OR5M8: variants seen among roughly 807,000 people sequenced by gnomAD.
OR5M8 encodes olfactory receptor family 5 subfamily M member 8, also known as olfactory receptor 5M8.
For synonymous variants in OR5M8, 163 were observed against 141.5 expected, an observed-to-expected ratio of 1.15 and a Z score of -1.08; for missense variants, 445 against 379.3, an observed-to-expected ratio of 1.17 and a Z score of -1.44.
In OR5M8 at chr11:56,491,321, G is replaced by A. The variant is rs377338149; in HGVS notation, c.50C>T (p.Thr17Ile). 17 of 1,613,226 alleles carry A rather than the reference G, an allele frequency of 1.1e-5. No individual in the cohort carries two copies. In the African/African-American group the frequency reaches 1.5e-4, roughly 14 times the overall value. Residue 17 changes from threonine (T) to isoleucine (I), a missense_variant, in exon 1 of 1, where the codon ACC (threonine) becomes ATC (isoleucine). Coordinates refer to ENST00000327216, the MANE Select transcript of OR5M8 (RefSeq NM_001005282.1). ...GAGAATTTGTAATTCCCGGCGACTG[G>A]TCAGTCCCAGGAGAATGAACTCAGT... is the stretch of plus-strand genomic sequence containing the variant. ...LVTEFILLGLTSRRELQILLF... is the reference protein window; with the variant it reads ...LVTEFILLGLISRRELQILLF...
Position 56,491,170 on chromosome 11 carries a change from G to A in OR5M8, c.201C>T (p.Phe67=), listed in dbSNP as rs764282162. 7.4e-6 allele frequency: 12 copies of A among 1,613,964 alleles called. No individual in the cohort carries two copies. The highest frequency in any genetic ancestry group is 2.7e-5 in the African/African-American group (2 of 74,930). ...PMYFFLSHLS[F]VDLCFSSNVT... ...CATTGGAAGAGAAGCACAGATCCAC[G>A]AAGGATAAGTGGCTCAGGAAAAAGT... The change falls in exon 1 of 1, where the codon TTC becomes TTT. Residue 67 remains phenylalanine, a synonymous_variant. Transcript: ENST00000327216.
chr11:56,490,673 C>T lies in OR5M8; in HGVS notation c.698G>A (p.Arg233Lys), dbSNP rs1853840274. The change falls in exon 1 of 1, where the codon AGG (arginine) becomes AAG (lysine). Residue 233 changes from arginine (R) to lysine (K), a missense_variant. Transcript: ENST00000327216. ...AILKIRSTEG[R>K]QKAFSTCGSH... ...GCCACAGGTAGAAAAAGCTTTTTGC[C>T]TGCCCTCTGTAGAGCGAATCTTTAA... 1 of 1,613,880 alleles carries T rather than the reference C, an allele frequency of 6.2e-7. No homozygotes were observed. Among genetic ancestry groups the T allele is most frequent in the Non-Finnish European group, 8.5e-7 (1 of 1,179,970 alleles).
In OR5M8 at chr11:56,490,795, G is replaced by T. The variant is rs113417126; in HGVS notation, c.576C>A (p.Tyr192Ter). ...PLIKLACSDT[Y>*]NKELSMFIVA... Reference sequence around the variant, plus strand: ...CAATAAACATTGACAACTCCTTGTTGTAGGTGTCAGAACAAGCCAGCTTAA... The same window carrying T: ...CAATAAACATTGACAACTCCTTGTTTTAGGTGTCAGAACAAGCCAGCTTAA... Residue 192 changes from tyrosine to a stop codon, truncating the protein, a stop_gained, in exon 1 of 1, where the codon TAC becomes TAA. Transcript: ENST00000327216. LOFTEE classifies it low-confidence loss of function (END_TRUNC). 1.9e-6 allele frequency: 3 copies of T among 1,614,166 alleles called. No individual in the cohort carries two copies. The highest frequency in any genetic ancestry group is 2.5e-6 in the Non-Finnish European group (3 of 1,180,002).
Position 56,490,530 on chromosome 11 carries a change from T to A in OR5M8, c.841A>T (p.Ile281Phe), listed in dbSNP as rs761181433. ...KMVAVFYTTV[I>F]PMLNLIIYSL... Reference sequence around the variant, plus strand: ...TAAATTATAAGGTTCAGCATAGGGATTACTGTGGTATAAAATACAGCTACC... The same window carrying A: ...TAAATTATAAGGTTCAGCATAGGGAATACTGTGGTATAAAATACAGCTACC... Residue 281 changes from isoleucine to phenylalanine, a missense_variant, in exon 1 of 1, where the codon ATC becomes TTC. Transcript: ENST00000327216. 1 of 1,605,502 alleles carries A rather than the reference T, an allele frequency of 6.2e-7. No homozygotes were observed. Among genetic ancestry groups the A allele is most frequent in the Non-Finnish European group, 8.5e-7 (1 of 1,172,180 alleles).
Position 56,491,068 on chromosome 11 carries a change from G to GT in OR5M8, c.302dup (p.Tyr101Ter), listed in dbSNP as rs746310691. ...CAACATGGACCAAGGCGATAAAAAG[G>GT]TAACACTGCACAAGACAGGCAGGAT... ...ISYPACLVQCYLFIALVHVEI... is the reference protein window; with the variant it reads ...ISYPACLVQC Residue 101 changes from tyrosine to a stop codon, truncating the protein, a stop_gained and frameshift_variant, in exon 1 of 1, where the codon TAC becomes TAAC. Transcript: ENST00000327216. LOFTEE classifies it low-confidence loss of function (END_TRUNC). The GT allele has an allele frequency of 1.6e-5, 26 of 1,614,226 alleles. No individual in the cohort carries two copies. The highest frequency in any genetic ancestry group is 2.2e-5 in the Non-Finnish European group (26 of 1,180,036).
rs1853840385 is a variant in OR5M8, at chr11:56,490,681, T to C, written c.690A>G (p.Thr230=). 4.3e-6 allele frequency: 7 copies of C among 1,614,104 alleles called. No individual in the cohort carries two copies. The highest frequency in any genetic ancestry group is 5.1e-6 in the Non-Finnish European group (6 of 1,180,004). ...IFPAILKIRS[T]EGRQKAFSTC... ...TAGAAAAAGCTTTTTGCCTGCCCTC[T>C]GTAGAGCGAATCTTTAAAATAGCAG... Residue 230 remains threonine (T), a synonymous_variant, in exon 1 of 1, where the codon ACA becomes ACG. Coordinates refer to ENST00000327216, the MANE Select transcript of OR5M8 (RefSeq NM_001005282.1).
Position 56,490,745 on chromosome 11 carries a change from GA to G in OR5M8, c.625del (p.Ser209LeufsTer17). On this transcript the variant is annotated frameshift_variant, in exon 1 of 1. Coordinates refer to ENST00000327216, the MANE Select transcript of OR5M8 (RefSeq NM_001005282.1). LOFTEE classifies it low-confidence loss of function (END_TRUNC). ...GTAGGAAATACATATGATGAAGAGA[GA>G]AAAAGAAAGGTTCCAGCCAGCCACA... ...FIVAGWNLSF[S>X]LFIICISYLY... 6.2e-7 allele frequency: 1 copy of G among 1,614,160 alleles called. No individual in the cohort carries two copies. Among genetic ancestry groups the G allele is most frequent in the Non-Finnish European group, 8.5e-7 (1 of 1,180,024 alleles).
chr11:56,491,008 C>T lies in OR5M8; in HGVS notation c.363G>A (p.Arg121=). 10 of 1,614,118 alleles carry T rather than the reference C, an allele frequency of 6.2e-6. No individual in the cohort carries two copies. The highest frequency in any genetic ancestry group is 2.2e-5 in the East Asian group (1 of 44,870). Reference sequence around the variant, plus strand: ...GCAGAGGGTTGCAGATGGCCATGTACCGGTCAAAGGCCATCACAGCCAGGA... The same window carrying T: ...GCAGAGGGTTGCAGATGGCCATGTATCGGTCAAAGGCCATCACAGCCAGGA... ...IYILAVMAFD[R]YMAICNPLLY... Residue 121 remains arginine (R), a synonymous_variant, in exon 1 of 1, where the codon CGG becomes CGA. Coordinates refer to ENST00000327216, the MANE Select transcript of OR5M8 (RefSeq NM_001005282.1).
Position 56,491,268 on chromosome 11 carries a change from T to C in OR5M8, c.103A>G (p.Met35Val), listed in dbSNP as rs779390530. The C allele has an allele frequency of 6.7e-5, 108 of 1,613,976 alleles. No homozygotes were observed. The highest frequency in any genetic ancestry group is 2.9e-4 in the East Asian group (13 of 44,892). ...CCAAGGTTCCCTGCCACCGTGACCA[T>C]GTAAATGGCCAGAAACAGCGTGAAG... ...LLFTLFLAIY[M>V]VTVAGNLGMI... Residue 35 changes from methionine to valine, a missense_variant, in exon 1 of 1, where the codon ATG becomes GTG. Met to Val is a conservative substitution (Grantham distance 21). Coordinates refer to ENST00000327216, the MANE Select transcript of OR5M8 (RefSeq NM_001005282.1).
In OR5M8 at chr11:56,490,578, C is replaced by A. The variant is rs758139132; in HGVS notation, c.793G>T (p.Glu265Ter). 2.5e-6 allele frequency: 4 copies of A among 1,613,906 alleles called. No individual in the cohort carries two copies. Among genetic ancestry groups the A allele is most frequent in the Non-Finnish European group, 3.4e-6 (4 of 1,179,888 alleles). ...FFMYLRPPSK[E>*]SVEQGKMVAV... ...ACCATTTTACCCTGTTCAACAGATT[C>A]CTTTGAGGGGGGTCTGAGATACATG... Residue 265 changes from glutamate to a stop codon, truncating the protein, a stop_gained, in exon 1 of 1, where the codon GAA (glutamate) becomes TAA (stop). Transcript: ENST00000327216. LOFTEE classifies it low-confidence loss of function (END_TRUNC).
At position 56,490,648 on chromosome 11, in the gene OR5M8, G is replaced by A; in HGVS notation, c.723C>T (p.Gly241=). Residue 241 remains glycine, a synonymous_variant, in exon 1 of 1, where the codon GGC becomes GGT. Transcript: ENST00000327216. ...EGRQKAFSTC[G]SHLTAVTIFY... is the part of the protein sequence containing the mutation. ...ATATAGTGACAGCTGTCAGATGGGAGCCACAGGTAGAAAAAGCTTTTTGCC... is the reference window on the plus strand; with the variant it reads ...ATATAGTGACAGCTGTCAGATGGGAACCACAGGTAGAAAAAGCTTTTTGCC... The A allele has an allele frequency of 3.7e-6, 6 of 1,613,872 alleles. No individual in the cohort carries two copies. The highest frequency in any genetic ancestry group is 5.1e-6 in the Non-Finnish European group (6 of 1,179,940).
chr11:56,490,664 G>A lies in OR5M8; in HGVS notation c.707C>T (p.Ala236Val), dbSNP rs767591117. 2 of 1,613,742 alleles carry A rather than the reference G, an allele frequency of 1.2e-6. No homozygotes were observed. Among genetic ancestry groups the A allele is most frequent in the South Asian group, 1.1e-5 (1 of 91,058 alleles). ...KIRSTEGRQK[A>V]FSTCGSHLTA... ...CAGATGGGAGCCACAGGTAGAAAAAGCTTTTTGCCTGCCCTCTGTAGAGCG... is the reference window on the plus strand; with the variant it reads ...CAGATGGGAGCCACAGGTAGAAAAAACTTTTTGCCTGCCCTCTGTAGAGCG... Residue 236 changes from alanine (A) to valine (V), a missense_variant, in exon 1 of 1, where the codon GCT (alanine) becomes GTT (valine). Coordinates refer to ENST00000327216, the MANE Select transcript of OR5M8 (RefSeq NM_001005282.1).
chr11:56,491,366 C>G lies in OR5M8; in HGVS notation c.5G>C (p.Arg2Thr), dbSNP rs747453890. 2.6e-6 allele frequency: 4 copies of G among 1,568,406 alleles called. No individual in the cohort carries two copies. The Admixed American group carries it at 7.8e-5, about 31-fold the overall frequency. Reference sequence around the variant, plus strand: ...CTCAGTCACCAACGTGCAGTTTCTTCTCATAATTTCCTTCGGTGGAAGAAA... The same window carrying G: ...CTCAGTCACCAACGTGCAGTTTCTTGTCATAATTTCCTTCGGTGGAAGAAA... M[R>T]RNCTLVTEFI... Residue 2 changes from arginine (R) to threonine (T), a missense_variant, in exon 1 of 1, where the codon AGA (arginine) becomes ACA (threonine). Transcript: ENST00000327216.
Position 56,491,242 on chromosome 11 carries a change from G to GC in OR5M8, c.128dup (p.Met44HisfsTer67). 6.2e-7 allele frequency: 1 copy of GC among 1,614,160 alleles called. No homozygotes were observed. The highest frequency in any genetic ancestry group is 8.5e-7 in the Non-Finnish European group (1 of 1,179,994). On this transcript the variant is annotated frameshift_variant, in exon 1 of 1. Coordinates refer to ENST00000327216, the MANE Select transcript of OR5M8 (RefSeq NM_001005282.1). LOFTEE classifies it low-confidence loss of function (END_TRUNC). ...CGTTGGCCTGGATGAGGACAATCATGCCAAGGTTCCCTGCCACCGTGACCA... is the reference window on the plus strand; with the variant it reads ...CGTTGGCCTGGATGAGGACAATCATGCCCAAGGTTCCCTGCCACCGTGACCA...
In OR5M8 at chr11:56,491,067, G is replaced by C; in HGVS notation, c.304C>G (p.Leu102Val). ...SYPACLVQCY[L>V]FIALVHVEIY... Reference sequence around the variant, plus strand: ...TCAACATGGACCAAGGCGATAAAAAGGTAACACTGCACAAGACAGGCAGGA... The same window carrying C: ...TCAACATGGACCAAGGCGATAAAAACGTAACACTGCACAAGACAGGCAGGA... The change falls in exon 1 of 1, where the codon CTT (leucine) becomes GTT (valine). Residue 102 changes from leucine (L) to valine (V), a missense_variant. Coordinates refer to ENST00000327216, the MANE Select transcript of OR5M8 (RefSeq NM_001005282.1). 1 of 1,613,936 alleles carries C rather than the reference G, an allele frequency of 6.2e-7. No homozygotes were observed. The highest frequency in any genetic ancestry group is 8.5e-7 in the Non-Finnish European group (1 of 1,179,974).
rs146141770 is a variant in OR5M8 at position 56,491,009 on chromosome 11, C to T, written c.362G>A (p.Arg121Gln). ...IYILAVMAFD[R>Q]YMAICNPLLY... The stretch of plus-strand genomic sequence containing the variant: ...CAGAGGGTTGCAGATGGCCATGTAC[C>T]GGTCAAAGGCCATCACAGCCAGGAT... The change falls in exon 1 of 1, where the codon CGG (arginine) becomes CAG (glutamine). Residue 121 changes from arginine to glutamine, a missense_variant. Physicochemically the swap from Arg to Gln is conservative, Grantham distance 43. Coordinates refer to ENST00000327216, the MANE Select transcript of OR5M8 (RefSeq NM_001005282.1). 506 of 1,614,042 alleles carry T rather than the reference C, an allele frequency of 3.1e-4. 2 individuals are homozygous for T. In the East Asian group the frequency reaches 4.0e-3, roughly 13 times the overall value.
Position 56,490,743 on chromosome 11 carries a change from GA to G in OR5M8, c.627del (p.Leu210SerfsTer16). 1 of 1,614,178 alleles carries G rather than the reference GA, an allele frequency of 6.2e-7. No homozygotes were observed. Among genetic ancestry groups the G allele is most frequent in the Non-Finnish European group, 8.5e-7 (1 of 1,180,024 alleles). The stretch of plus-strand genomic sequence containing the variant: ...AGGTAGGAAATACATATGATGAAGA[GA>G]GAAAAAGAAAGGTTCCAGCCAGCCA... ...FIVAGWNLSF[S>X]LFIICISYLY... On this transcript the variant is annotated frameshift_variant, in exon 1 of 1. Transcript: ENST00000327216. LOFTEE classifies it low-confidence loss of function (END_TRUNC).
chr11:56,491,354 G>A lies in OR5M8; in HGVS notation c.17C>T (p.Thr6Met), dbSNP rs187777069. 1.3e-6 allele frequency: 2 copies of A among 1,586,070 alleles called. No homozygotes were observed. The highest frequency in any genetic ancestry group is 2.2e-5 in the East Asian group (1 of 44,564). The part of the protein sequence containing the change: MRRNC[T>M]LVTEFILLGL... ...CAGGAGAATGAACTCAGTCACCAAC[G>A]TGCAGTTTCTTCTCATAATTTCCTT... The change falls in exon 1 of 1, where the codon ACG becomes ATG. Residue 6 changes from threonine to methionine, a missense_variant. Physicochemically the swap from Thr to Met is moderately conservative, Grantham distance 81. Coordinates refer to ENST00000327216, the MANE Select transcript of OR5M8 (RefSeq NM_001005282.1).
chr11:56,490,794 T>G lies in OR5M8; in HGVS notation c.577A>C (p.Asn193His). 6.2e-7 allele frequency: 1 copy of G among 1,614,034 alleles called. No individual in the cohort carries two copies. Among genetic ancestry groups the G allele is most frequent in the African/African-American group, 1.3e-5 (1 of 75,028 alleles). The stretch of plus-strand genomic sequence containing the variant: ...ACAATAAACATTGACAACTCCTTGT[T>G]GTAGGTGTCAGAACAAGCCAGCTTA... ...LIKLACSDTYNKELSMFIVAG... is the reference protein window; with the variant it reads ...LIKLACSDTYHKELSMFIVAG... The change falls in exon 1 of 1, where the codon AAC becomes CAC. Residue 193 changes from asparagine (N) to histidine (H), a missense_variant. Transcript: ENST00000327216.
Sources: gnomAD v4.1 joint callset for allele counts on GRCh38, gnomAD v4.1.1 for gene constraint, MANE v1.5 for transcripts, NCBI Gene and HGNC (gene_info 2026-07-23, HGNC 2026-07-21) for gene names.